The following THEMIS2 variants were observed in gnomAD, a reference collection of about 807,000 sequenced individuals.
THEMIS2 encodes the protein protein THEMIS2.
In THEMIS2, 29 loss-of-function variants were observed where a neutral mutation model predicts 46.8. The ratio of observed to expected loss-of-function variants is 0.62; its 90% CI spans 0.46 to 0.84. THEMIS2 has a LOEUF of 0.84. Ranked by LOEUF, THEMIS2 falls within the 40% of genes least tolerant of loss-of-function variation. The pLI, the probability that THEMIS2 is intolerant of heterozygous loss-of-function variation, is 0.00. For missense variants in THEMIS2, 698 were observed against 834.7 expected, an observed-to-expected ratio of 0.84 and a Z score of 2.02; for synonymous variants, 335 against 349.1, an observed-to-expected ratio of 0.96 and a Z score of 0.45.
chr1:27,872,746 G>C lies in THEMIS2; in HGVS notation c.94+81G>C. 8.9e-7 allele frequency: 1 copy of C among 1,128,270 alleles called. No individual in the cohort carries two copies. Among genetic ancestry groups the C allele is most frequent in the Non-Finnish European group, 1.1e-6 (1 of 882,898 alleles). 69.9% of individuals were successfully genotyped at this position (1,128,270 alleles called of 1,614,324 possible). On this transcript the variant is annotated intron_variant, in intron 1 of 5. Coordinates refer to ENST00000373921, the MANE Select transcript of THEMIS2 (RefSeq NM_001105556.3). The surrounding 1 kb of genome is among the most constrained non-coding windows in gnomAD (Gnocchi z 4.9). ...GACCCGGAGAAGACGTTAGCAATCC[G>C]GGGAAACTGCCCCTGGGTTCAAATC...
intron 1 of THEMIS2, among the ~76,000 whole-genome samples, chr1:27,874,033 G>GTTTTTTTTTT (rs1256524975): frequency 0.25 from 23,956 of 95,142 alleles, 4,517 homozygotes; most frequent in East Asian, 0.36. Context: ...TTCAACCTAG[G>GTTTTTTTTTT]TTTTTTTTTT....
At chr1:27,880,204 CTT>C in intron 3 of THEMIS2, 150 bp downstream of exon 3, 1 of 935,386 alleles carries the variant, frequency 1.1e-6, no homozygotes. Context: ...TGAAGTTATT[CTT>C]TTTTTTTGAG....
chr1:27,881,762 AG>A (rs1338857481), intron 3 of THEMIS2, among the ~76,000 whole-genome samples: 1 of 151,456 alleles, frequency 6.6e-6, no homozygotes, highest in Non-Finnish European at 1.5e-5. Context: ...TGGGAGGTGG[AG>A]GTTGCAGTGA....
chr1:27,885,626 G>C (rs2089757511), intron 5 of THEMIS2, among the ~76,000 whole-genome samples, 175 bp downstream of exon 5: 1 of 152,096 alleles, frequency 6.6e-6, no homozygotes. Context: ...CTTTCCCATG[G>C]GCTCTAGGGC....
chr1:27,881,960 C>G lies in THEMIS2; in HGVS notation c.647-11C>G, dbSNP rs760462075. The stretch of plus-strand genomic sequence containing the variant: ...TGGCATGCAGTGCCACTGAGCTGCC[C>G]CTCTCCACAGTGCGCAGGACCATTG... On this transcript the variant is annotated splice_polypyrimidine_tract_variant and intron_variant, in intron 3 of 5. Transcript: ENST00000373921. The G allele has an allele frequency of 2.4e-5, 39 of 1,595,916 alleles. No homozygotes were observed. The Admixed American group carries it at 6.6e-4, about 27-fold the overall frequency.
At chr1:27,881,378 G>A (rs965603189) in intron 3 of THEMIS2, among the ~76,000 whole-genome samples, 1 of 151,544 alleles carries the variant, frequency 6.6e-6, no homozygotes, top group Non-Finnish European at 1.5e-5. Flanking sequence ...GTGAACCCAG[G>A]GGCTAGAGCT....
At chr1:27,876,805 A>C (rs2148633524) in intron 2 of THEMIS2, 77 bp downstream of exon 2, 1 of 1,548,270 alleles carries the variant, frequency 6.5e-7, no homozygotes. Context: ...TGGGCTTGCC[A>C]CGTCCAGCAG....
rs755979534 is a variant in THEMIS2, at chr1:27,885,885, A to T, written c.1895A>T (p.Tyr632Phe). ...RQDLDDDEHDYEEILEQFQKT... is the reference protein window; with the variant it reads ...RQDLDDDEHDFEEILEQFQKT... ...TTTGCAGATGATGATGAACATGATT[A>T]TGAAGAAATACTTGAGCAATTTCAG... Residue 632 changes from tyrosine to phenylalanine, a missense_variant, in exon 6 of 6, where the codon TAT becomes TTT. Physicochemically the swap from Tyr to Phe is conservative, Grantham distance 22 (BLOSUM62 3). Transcript: ENST00000373921. The T allele has an allele frequency of 1.9e-6, 3 of 1,613,976 alleles. No individual in the cohort carries two copies. Among genetic ancestry groups the T allele is most frequent in the Non-Finnish European group, 2.5e-6 (3 of 1,180,040 alleles).
In THEMIS2 at chr1:27,872,585, C is replaced by A; in HGVS notation, c.14C>A (p.Pro5Gln). The change falls in exon 1 of 6, where the codon CCG (proline) becomes CAG (glutamine). Residue 5 changes from proline to glutamine, a missense_variant. Transcript: ENST00000373921. The surrounding 1 kb of genome is among the most constrained non-coding windows in gnomAD (Gnocchi z 4.9). Reference sequence around the variant, plus strand: ...GCCGCGGGGACCATGGAGCCGGTGCCGCTGCAGGACTTCGTGCGCGCCTTG... The same window carrying A: ...GCCGCGGGGACCATGGAGCCGGTGCAGCTGCAGGACTTCGTGCGCGCCTTG... MEPVPLQDFVRALDP... is the reference protein window; with the variant it reads MEPVQLQDFVRALDP... 6.7e-7 allele frequency: 1 copy of A among 1,488,252 alleles called. No individual in the cohort carries two copies. The highest frequency in any genetic ancestry group is 8.9e-7 in the Non-Finnish European group (1 of 1,121,318). The allele number at this position is 1,488,252 out of a possible 1,614,324, so 92.2% of individuals were successfully genotyped here.
At chr1:27,885,846 T>C in intron 5 of THEMIS2, 21 bp from the exon 6 acceptor site, 3 of 1,613,400 alleles carry the variant, frequency 1.9e-6, no homozygotes, top group Non-Finnish European at 2.5e-6. Context: ...AAGATCCTCA[T>C]TGACTCGGAC....
rs570706466 is a variant in THEMIS2 at position 27,876,751 on chromosome 1, CCCA to C, written c.235+24_235+26del. 783 of 1,611,630 alleles carry C rather than the reference CCCA, an allele frequency of 4.9e-4. 3 individuals carry two copies. Among genetic ancestry groups the C allele is most frequent in the South Asian group, 1.5e-3 (137 of 90,772 alleles). Reference sequence around the variant, plus strand: ...AGGGTAAGGTGGGCACCTCTGCCTCCCCATGTGCCCTGGCACTCTCCTGGCACA... The same window carrying C: ...AGGGTAAGGTGGGCACCTCTGCCTCCTGTGCCCTGGCACTCTCCTGGCACA... On this transcript the variant is annotated intron_variant, in intron 2 of 5. Transcript: ENST00000373921.
At chr1:27,879,582 C>A in intron 2 of THEMIS2, 62 bp from the exon 3 acceptor site, 1 of 1,461,674 alleles carries the variant, frequency 6.8e-7, no homozygotes, top group Non-Finnish European at 9.3e-7. Context: ...CTGGACCTGA[C>A]AAAGGCCTGC....
At chr1:27,876,998 G>A (rs1382573614) in intron 2 of THEMIS2, among the ~76,000 whole-genome samples, 1 of 152,232 alleles carries the variant, frequency 6.6e-6, no homozygotes, top group Non-Finnish European at 1.5e-5. Flanking sequence ...CTGTCTCTGA[G>A]TTCACTCACA....
At chr1:27,878,122 C>CAAAA (rs71586806) in intron 2 of THEMIS2, among the ~76,000 whole-genome samples, 5 of 77,712 alleles carry the variant, frequency 6.4e-5, no homozygotes, top group East Asian at 3.7e-4. Context: ...CTCTGTCTCT[C>CAAAA]AAAAAAAAAA....
Position 27,885,344 on chromosome 1 carries a change from A to G in THEMIS2, c.1769A>G (p.Lys590Arg). Reference sequence around the variant, plus strand: ...CAACACGCTCGGCTGCCCAAACCCAAGGCGAAGACCTTGCCAGAGTTCATC... The same window carrying G: ...CAACACGCTCGGCTGCCCAAACCCAGGGCGAAGACCTTGCCAGAGTTCATC... ...LQQHARLPKP[K>R]AKTLPEFIKD... is the part of the protein sequence containing the mutation. Residue 590 changes from lysine (K) to arginine (R), a missense_variant, in exon 5 of 6, where the codon AAG (lysine) becomes AGG (arginine). Coordinates refer to ENST00000373921, the MANE Select transcript of THEMIS2 (RefSeq NM_001105556.3). The G allele has an allele frequency of 3.1e-6, 5 of 1,614,176 alleles. No individual in the cohort carries two copies. The highest frequency in any genetic ancestry group is 4.2e-6 in the Non-Finnish European group (5 of 1,180,020).
intron 4 of THEMIS2, chr1:27,883,740 C>T (rs992744718): frequency 2.6e-5 from 4 of 152,784 alleles, no homozygotes; most frequent in Admixed American, 6.5e-5. Context: ...AGGTGGGACT[C>T]GGATTTCTCA....
chr1:27,873,196 GCCTTCCTGGCTCTCTGCT>G, intron 1 of THEMIS2, among the ~76,000 whole-genome samples: 1 of 152,178 alleles, frequency 6.6e-6, no homozygotes, highest in Admixed American at 6.5e-5. Context: ...CCTCCCGGAA[GCCTTCCTGGCTCTCTGCT>G]CCTTGCACGC....
In THEMIS2 at chr1:27,882,764, G is replaced by C. The variant is rs761650240; in HGVS notation, c.1440G>C (p.Lys480Asn). The C allele has an allele frequency of 3.1e-6, 5 of 1,613,958 alleles. No homozygotes were observed. The highest frequency in any genetic ancestry group is 4.2e-6 in the Non-Finnish European group (5 of 1,179,950). ...TCCTGGGCCTGCGGCTGGAGGAGAA[G>C]ATCACAGAGCCATTCTTGGTGGTGA... is the stretch of plus-strand genomic sequence containing the variant. ...TSFLGLRLEE[K>N]ITEPFLVVSL... Residue 480 changes from lysine to asparagine, a missense_variant, in exon 4 of 6, where the codon AAG (lysine) becomes AAC (asparagine). Lys to Asn is a moderately conservative substitution (Grantham distance 94). Transcript: ENST00000373921. This position sits in a 1 kb window ranked among gnomAD's most constrained non-coding sequence, Gnocchi z 7.6.
chr1:27,879,064 A>G (rs1162825010), intron 2 of THEMIS2, among the ~76,000 whole-genome samples: 4 of 151,844 alleles, frequency 2.6e-5, no homozygotes, highest in Non-Finnish European at 5.9e-5. Flanking sequence ...CAAAAGCGGT[A>G]TCATGTCTGG....
Sources: allele counts gnomAD v4.1 joint callset (sites outside exome capture counted in the v4.1 genomes callset), GRCh38; gene constraint gnomAD v4.1.1; non-coding constraint Gnocchi (gnomAD v3.1); transcripts MANE v1.5; gene names NCBI Gene and HGNC (gene_info 2026-07-23, HGNC 2026-07-21).